The following NKAIN2 variants were observed in gnomAD, a reference collection of about 807,000 sequenced individuals.
The protein encoded by NKAIN2 is sodium/potassium-transporting ATPase subunit beta-1-interacting protein 2.
Under a neutral mutation model 32.6 loss-of-function variants are expected in NKAIN2, and 14 were observed. The observed-to-expected ratio is 0.43, with a 90% CI of 0.28 to 0.67. NKAIN2 has a LOEUF of 0.67. Among genes scored for constraint, NKAIN2 ranks in the 30% least tolerant of loss-of-function variants. NKAIN2 has a pLI of 0.17. For missense variants in NKAIN2, 198 were observed against 258.3 expected (o/e 0.77, Z 1.60); for synonymous variants, 80 against 87.2 (o/e 0.92, Z 0.46).
chr6:124,763,286 G>A (rs1778357780), intron 4 of NKAIN2, among the ~76,000 whole-genome samples: 1 of 152,186 alleles, frequency 6.6e-6, no homozygotes, highest in South Asian at 2.1e-4. Context: ...GTGAGACTGG[G>A]TTATTTACAA....
chr6:124,798,069 A>G (rs1780088922), intron 5 of NKAIN2, among the ~76,000 whole-genome samples: 1 of 51,170 alleles, frequency 2.0e-5, no homozygotes, highest in Admixed American at 2.0e-4. Context: ...TCTATTATCT[A>G]TCTATCTATC....
chr6:124,504,564 A>G (rs546236839), intron 3 of NKAIN2, among the ~76,000 whole-genome samples: 21 of 152,348 alleles, frequency 1.4e-4, no homozygotes, highest in Admixed American at 1.2e-3. Flanking sequence ...TCTAAATTCT[A>G]AAACAAGACC....
At chr6:124,519,237 T>A (rs1779034678) in intron 3 of NKAIN2, among the ~76,000 whole-genome samples, 1 of 152,086 alleles carries the variant, frequency 6.6e-6, no homozygotes, top group Admixed American at 6.5e-5. Flanking sequence ...CAAAAAACAG[T>A]CATGAACAAG....
chr6:124,790,595 C>A (rs938741331), intron 4 of NKAIN2, among the ~76,000 whole-genome samples: 1 of 151,946 alleles, frequency 6.6e-6, no homozygotes, highest in Non-Finnish European at 1.5e-5. Flanking sequence ...TTTTGACTAG[C>A]GCTCATAAGT....
chr6:124,515,974 G>A (rs1778898783), intron 3 of NKAIN2, among the ~76,000 whole-genome samples: 1 of 151,956 alleles, frequency 6.6e-6, no homozygotes, highest in African/African-American at 2.4e-5. Context: ...ACTGTTTTGG[G>A]GGTCACAGCA....
intron 1 of NKAIN2, among the ~76,000 whole-genome samples, chr6:123,950,713 A>C (rs955134243): frequency 1.3e-4 from 20 of 151,098 alleles, no homozygotes; most frequent in African/African-American, 4.6e-4. Flanking sequence ...CAAGTTTTTC[A>C]ATTTTGTTTA....
intron 1 of NKAIN2, among the ~76,000 whole-genome samples, chr6:123,878,853 A>ATAGCCTT (rs1289707032): frequency 6.6e-6 from 1 of 151,918 alleles, no homozygotes; most frequent in Non-Finnish European, 1.5e-5. Flanking sequence ...TGCACCACTC[A>ATAGCCTT]TAGCCTTGCC....
chr6:124,291,210 T>C (rs1214015908), intron 2 of NKAIN2, among the ~76,000 whole-genome samples: 1 of 152,140 alleles, frequency 6.6e-6, no homozygotes, highest in Non-Finnish European at 1.5e-5. Flanking sequence ...GTTCACAATC[T>C]AAGAAGCAGT....
At chr6:124,354,954 C>G (rs763140022) in intron 2 of NKAIN2, among the ~76,000 whole-genome samples, 2 of 151,042 alleles carry the variant, frequency 1.3e-5, no homozygotes, top group Non-Finnish European at 2.9e-5. Context: ...CCTGTAGTCC[C>G]AGCTATTCGG....
At chr6:124,471,016 G>T (rs1037669197) in intron 3 of NKAIN2, among the ~76,000 whole-genome samples, 1 of 152,004 alleles carries the variant, frequency 6.6e-6, no homozygotes, top group Non-Finnish European at 1.5e-5. Flanking sequence ...GTTGTCTATG[G>T]CTTCCCTTTG....
chr6:123,834,607 T>C (rs540320928), intron 1 of NKAIN2, among the ~76,000 whole-genome samples: 14 of 152,338 alleles, frequency 9.2e-5, no homozygotes, highest in South Asian at 4.1e-4. Flanking sequence ...TAGTATGATG[T>C]TGAAAAGTGG....
At chr6:123,918,216 A>G (rs908315227) in intron 1 of NKAIN2, among the ~76,000 whole-genome samples, 3 of 152,160 alleles carry the variant, frequency 2.0e-5, no homozygotes, top group Non-Finnish European at 2.9e-5. Context: ...TATTACAAAT[A>G]GGGGTATGTT....
At chr6:124,328,889 A>G in intron 2 of NKAIN2, among the ~76,000 whole-genome samples, 1 of 152,208 alleles carries the variant, frequency 6.6e-6, no homozygotes, top group East Asian at 1.9e-4. Flanking sequence ...GGCACACCAC[A>G]GGATTCTCTT....
At chr6:123,988,493 C>T (rs752292501) in intron 1 of NKAIN2, among the ~76,000 whole-genome samples, 1 of 152,094 alleles carries the variant, frequency 6.6e-6, no homozygotes, top group African/African-American at 2.4e-5. Flanking sequence ...AGATTTACCA[C>T]GGAACAAGGA....
At chr6:124,632,385 C>CTGT (rs776098888) in intron 3 of NKAIN2, among the ~76,000 whole-genome samples, 1 of 152,146 alleles carries the variant, frequency 6.6e-6, no homozygotes, top group Admixed American at 6.5e-5. Context: ...AGCACCATTA[C>CTGT]TGTTAGAGAA....
At chr6:124,594,144 T>C (rs1217233306) in intron 3 of NKAIN2, among the ~76,000 whole-genome samples, 2 of 152,230 alleles carry the variant, frequency 1.3e-5, no homozygotes, top group African/African-American at 4.8e-5. Flanking sequence ...CATTTAGAGA[T>C]ACAGAACTCA....
intron 1 of NKAIN2, among the ~76,000 whole-genome samples, chr6:123,879,387 C>T (rs1011019088): frequency 1.3e-5 from 2 of 152,164 alleles, no homozygotes; most frequent in African/African-American, 2.4e-5. Flanking sequence ...TGTCCTGGCC[C>T]ACCCCATTTT....
At chr6:124,389,799 G>A (rs1169781680) in intron 3 of NKAIN2, among the ~76,000 whole-genome samples, 1 of 151,106 alleles carries the variant, frequency 6.6e-6, no homozygotes, top group East Asian at 2.0e-4. Context: ...TAATTTATTG[G>A]CATGTTAGAA....
intron 1 of NKAIN2, among the ~76,000 whole-genome samples, chr6:124,176,646 T>C (rs1443550923): frequency 6.6e-6 from 1 of 152,082 alleles, no homozygotes; most frequent in East Asian, 1.9e-4. Context: ...AAATAGTAGA[T>C]TTATAGAAGG....
Sources: gnomAD v4.1 joint callset for allele counts (sites outside exome capture counted in the v4.1 genomes callset) on GRCh38, gnomAD v4.1.1 for gene constraint, MANE v1.5 for transcripts, NCBI Gene and HGNC (gene_info 2026-07-23, HGNC 2026-07-21) for gene names.